Variants in FGD2 observed in about 807,000 individuals in gnomAD.
FGD2 encodes FYVE, RhoGEF and PH domain-containing protein 2.
FGD2 carries 52 observed loss-of-function variants against 75.9 expected under a neutral mutation model. That is an observed-to-expected ratio of 0.69 (90% CI 0.55 to 0.86). FGD2 has a LOEUF of 0.86. Ranked by LOEUF, FGD2 falls within the 40% of genes least tolerant of loss-of-function variation. The pLI, the probability that FGD2 is intolerant of heterozygous loss-of-function variation, is 0.00. For missense variants in FGD2, 790 were observed against 872.0 expected (o/e 0.91, Z 1.18); for synonymous variants, 347 against 348.6 (o/e 1.00, Z 0.05).
chr6:37,016,835 C>G (rs1460953455), intron 9 of FGD2, among the ~76,000 whole-genome samples: 1 of 152,086 alleles, frequency 6.6e-6, no homozygotes, highest in African/African-American at 2.4e-5. Context: ...CCACACCCAG[C>G]CTGTTTTTTA....
chr6:37,021,138 GTGTT>G (rs958187645), intron 11 of FGD2, among the ~76,000 whole-genome samples: 9 of 151,978 alleles, frequency 5.9e-5, no homozygotes, highest in Admixed American at 5.9e-4. Context: ...TTGTGTGTCT[GTGTT>G]TGTGTGTGCG....
chr6:37,021,424 G>C, intron 11 of FGD2, 88 bp from the exon 12 acceptor site: 2 of 1,226,618 alleles, frequency 1.6e-6, no homozygotes, highest in South Asian at 2.7e-5. Flanking sequence ...TTTCAGCCCT[G>C]TCTGTTGCAT....
chr6:37,022,747 C>T, intron 13 of FGD2: 1 of 210,106 alleles, frequency 4.8e-6, no homozygotes. Flanking sequence ...CCTACCTGGG[C>T]CTCTACCCAC....
chr6:37,016,075 C>T (rs776231654), intron 9 of FGD2, among the ~76,000 whole-genome samples: 55 of 152,214 alleles, frequency 3.6e-4, no homozygotes, highest in Admixed American at 2.6e-3. Flanking sequence ...GCCCTCCCTT[C>T]GCGGCAGTGC....
Position 37,026,257 on chromosome 6 carries a change from G to A in FGD2, c.1605+319G>A, listed in dbSNP as rs1269639851. 1.3e-5 allele frequency: 13 copies of A among 985,238 alleles called. No homozygotes were observed. The South Asian group carries it at 2.3e-4, about 18-fold the overall frequency. The allele number at this position is 985,238 out of a possible 1,614,324, so 61.0% of individuals were successfully genotyped here. On this transcript the variant is annotated intron_variant, in intron 14 of 15. Transcript: ENST00000274963. Reference sequence around the variant, plus strand: ...TGTTCACGTCCCCATGTCCTGCCCCGACAGTCCCAGGGTGCCAAGAGCTGG... The same window carrying A: ...TGTTCACGTCCCCATGTCCTGCCCCAACAGTCCCAGGGTGCCAAGAGCTGG...
At chr6:37,015,913 A>G in intron 9 of FGD2, 53 bp downstream of exon 9, 1 of 1,500,056 alleles carries the variant, frequency 6.7e-7, no homozygotes, top group Non-Finnish European at 9.0e-7. Context: ...AGGACTGAGT[A>G]CAGGGAGTAA....
At chr6:37,011,947 G>GC in intron 4 of FGD2, 93 bp downstream of exon 4, 1 of 1,420,136 alleles carries the variant, frequency 7.0e-7, no homozygotes. Flanking sequence ...AGCCTCCTAG[G>GC]CCCAGGCCCT....
At chr6:37,013,280 T>C (rs1744776008) in intron 4 of FGD2, 1 of 260,940 alleles carries the variant, frequency 3.8e-6, no homozygotes, top group Non-Finnish European at 6.9e-6. Flanking sequence ...ACATGCATCA[T>C]GTCCTGGGTA....
rs551920690 is a variant in FGD2 at position 37,021,452 on chromosome 6, G to A, written c.1234-60G>A. The A allele has an allele frequency of 5.0e-4, 721 of 1,456,282 alleles. 1 individual carries two copies. Among genetic ancestry groups the A allele is most frequent in the Non-Finnish European group, 6.5e-4 (683 of 1,053,908 alleles). 90.2% of individuals were successfully genotyped at this position (1,456,282 alleles called of 1,614,324 possible). Reference sequence around the variant, plus strand: ...TGTTGCATGCACGGAAGGATGGACAGAGGAGCAATCCCTCCCTTCCACACC... The same window carrying A: ...TGTTGCATGCACGGAAGGATGGACAAAGGAGCAATCCCTCCCTTCCACACC... On this transcript the variant is annotated intron_variant, in intron 11 of 15. Transcript: ENST00000274963.
rs150569661 is a variant in FGD2 at position 37,028,018 on chromosome 6, G to A, written c.1823G>A (p.Arg608Gln). Residue 608 changes from arginine (R) to glutamine (Q), a missense_variant, in exon 16 of 16, where the codon CGG becomes CAG. By Grantham distance (43) the Arg-to-Gln change is conservative. Coordinates refer to ENST00000274963, the MANE Select transcript of FGD2 (RefSeq NM_173558.4). Reference protein sequence around the residue: ...QVTVGPQGDPRVFQLQQSGQL... With the variant: ...QVTVGPQGDPQVFQLQQSGQL... ...ACTGTTGGGCCCCAGGGGGACCCTC[G>A]GGTCTTCCAGCTACAGCAGTCAGGC... 439 of 1,614,090 alleles carry A rather than the reference G, an allele frequency of 2.7e-4. No homozygotes were observed. Among genetic ancestry groups the A allele is most frequent in the Non-Finnish European group, 3.5e-4 (408 of 1,180,028 alleles).
chr6:37,013,931 T>G, intron 5 of FGD2, 31 bp from the exon 6 acceptor site: 1 of 1,607,664 alleles, frequency 6.2e-7, no homozygotes, highest in Non-Finnish European at 8.5e-7. Context: ...TCTCTCACCC[T>G]CTCCGTGTTG....
At chr6:37,016,293 GA>G (rs952309154) in intron 9 of FGD2, among the ~76,000 whole-genome samples, 82 of 152,272 alleles carry the variant, frequency 5.4e-4, no homozygotes, top group African/African-American at 2.0e-3. Flanking sequence ...AGGATTGTGA[GA>G]ATTAAATGAA....
intron 12 of FGD2, chr6:37,021,857 T>G: frequency 2.0e-6 from 1 of 503,764 alleles, no homozygotes; most frequent in Non-Finnish European, 3.5e-6. Context: ...CAGCTCCAGC[T>G]GCAGGGGGCA....
chr6:37,020,949 TG>T (rs1255199317), intron 11 of FGD2, among the ~76,000 whole-genome samples: 1 of 150,728 alleles, frequency 6.6e-6, no homozygotes, highest in African/African-American at 2.4e-5. Context: ...TGTGTGTGCA[TG>T]TCTGTGTCTG....
chr6:37,014,834 T>G, intron 7 of FGD2, 58 bp from the exon 8 acceptor site: 2 of 1,609,982 alleles, frequency 1.2e-6, no homozygotes, highest in Non-Finnish European at 1.7e-6. Context: ...AAGGCAAGCC[T>G]TCCAGAAGCA....
chr6:37,026,061 C>G (rs1434796471), intron 14 of FGD2, 123 bp downstream of exon 14: 12 of 1,473,488 alleles, frequency 8.1e-6, no homozygotes, highest in African/African-American at 4.2e-5. Flanking sequence ...ACACCCTCCC[C>G]CCTCTCCCTC....
chr6:37,011,551 C>G (rs1293692953), intron 3 of FGD2, 155 bp from the exon 4 acceptor site: 1 of 1,024,864 alleles, frequency 9.8e-7, no homozygotes, highest in African/African-American at 1.6e-5. Flanking sequence ...AGAACACAAC[C>G]TCCCCTGCCT....
intron 9 of FGD2, among the ~76,000 whole-genome samples, chr6:37,018,462 A>C (rs1438088212): frequency 6.6e-6 from 1 of 152,096 alleles, no homozygotes; most frequent in Non-Finnish European, 1.5e-5. Flanking sequence ...GACCATCATG[A>C]TGGTTCCTAT....
At chr6:37,007,397 G>A (rs1254092935) in intron 1 of FGD2, among the ~76,000 whole-genome samples, 5 of 152,316 alleles carry the variant, frequency 3.3e-5, no homozygotes, top group African/African-American at 1.2e-4. Flanking sequence ...CAGCTCTTGG[G>A]TGCCGCCTTC....
Sources: gnomAD v4.1 joint callset for allele counts (sites outside exome capture counted in the v4.1 genomes callset) on GRCh38, gnomAD v4.1.1 for gene constraint, MANE v1.5 for transcripts, NCBI Gene and HGNC (gene_info 2026-07-23, HGNC 2026-07-21) for gene names.